Variants in DARS1 observed in about 807,000 individuals in gnomAD.
The protein encoded by DARS1 is aspartyl-tRNA synthetase 1.
DARS1 carries 51 observed loss-of-function variants against 68.8 expected under a neutral mutation model. The ratio of observed to expected loss-of-function variants is 0.74; its 90% CI spans 0.59 to 0.94. The LOEUF (loss-of-function observed/expected upper bound fraction) is 0.94. DARS1 is among the 40% of genes least tolerant of loss of function. DARS1 has a pLI of 0.00. For synonymous variants in DARS1, 203 were observed against 190.4 expected, an observed-to-expected ratio of 1.07 and a Z score of -0.55; for missense variants, 607 against 597.3, an observed-to-expected ratio of 1.02 and a Z score of -0.17.
chr2:135,953,301 A>C (rs1490981933), intron 4 of DARS1, among the ~76,000 whole-genome samples: 2 of 152,248 alleles, frequency 1.3e-5, no homozygotes, highest in Non-Finnish European at 2.9e-5. Context: ...AGATGTGTTA[A>C]GGAACAGTAT....
At chr2:135,956,677 C>T (rs145808876) in intron 4 of DARS1, among the ~76,000 whole-genome samples, 145 of 152,280 alleles carry the variant, frequency 9.5e-4, no homozygotes, top group East Asian at 6.6e-3. Context: ...TAAATCCTTG[C>T]GTTCTCTCTA....
chr2:135,971,183 A>C (rs1240126717), intron 3 of DARS1, among the ~76,000 whole-genome samples: 2 of 152,230 alleles, frequency 1.3e-5, no homozygotes, highest in Non-Finnish European at 2.9e-5. Flanking sequence ...ACTGATGCAA[A>C]AATCCTCAAC....
chr2:135,916,382 G>A lies in DARS1; in HGVS notation c.960-10C>T. The stretch of plus-strand genomic sequence containing the variant: ...AATTTCAGTCTGAAACCTATTTGCA[G>A]AATGATTTAGTTAATAAAATGTATG... On this transcript the variant is annotated splice_polypyrimidine_tract_variant and intron_variant, in intron 10 of 15. Coordinates refer to ENST00000264161, the MANE Select transcript of DARS1 (RefSeq NM_001349.4). 4 of 1,460,338 alleles carry A rather than the reference G, an allele frequency of 2.7e-6. No homozygotes were observed. Among genetic ancestry groups the A allele is most frequent in the Non-Finnish European group, 3.8e-6 (4 of 1,041,950 alleles). The allele number at this position is 1,460,338 out of a possible 1,614,324, so 90.5% of individuals were successfully genotyped here. A position where few individuals can be genotyped will look rare whatever the true frequency, so the allele number is the denominator to read the frequency against.
chr2:135,946,787 G>A (rs1434352477), intron 4 of DARS1, among the ~76,000 whole-genome samples: 1 of 152,106 alleles, frequency 6.6e-6, no homozygotes, highest in African/African-American at 2.4e-5. Context: ...TTGCTGCTGG[G>A]TCCCAGTATC....
chr2:135,920,323 T>A, intron 10 of DARS1, 130 bp downstream of exon 10: 3 of 1,358,620 alleles, frequency 2.2e-6, no homozygotes, highest in Non-Finnish European at 2.9e-6. Flanking sequence ...AAATGGATCA[T>A]CTAACTGGTA....
At chr2:135,945,419 C>T (rs1235654436) in intron 4 of DARS1, among the ~76,000 whole-genome samples, 2 of 152,168 alleles carry the variant, frequency 1.3e-5, no homozygotes, top group African/African-American at 4.8e-5. Context: ...TGAGCCATCG[C>T]GCCCGGCCCA....
chr2:135,914,346 T>C, intron 12 of DARS1, 123 bp downstream of exon 12: 1 of 690,394 alleles, frequency 1.4e-6, no homozygotes, highest in South Asian at 1.9e-5. Context: ...GTTGTCCTTC[T>C]TCGGTTTTTA....
At chr2:135,908,688 T>A (rs927312185) in intron 15 of DARS1, among the ~76,000 whole-genome samples, 6 of 152,244 alleles carry the variant, frequency 3.9e-5, no homozygotes, top group Non-Finnish European at 7.3e-5. Flanking sequence ...TTTCTTCATA[T>A]ATTTGTTGGC....
intron 12 of DARS1, among the ~76,000 whole-genome samples, chr2:135,912,889 A>T (rs1464043871): frequency 1.3e-5 from 2 of 151,620 alleles, no homozygotes; most frequent in Non-Finnish European, 2.9e-5. Context: ...GAGCCTGGCT[A>T]ATTTTTAAAA....
Position 135,906,435 on chromosome 2 carries a change from A to T in DARS1, c.*881T>A, listed in dbSNP as rs1680782021. Among the ~76,000 whole-genome samples the T allele has an allele frequency of 6.6e-6, 1 of 152,220 alleles. No individual in the cohort carries two copies. The highest frequency in any genetic ancestry group is 2.4e-5 in the African/African-American group (1 of 41,466). On this transcript the variant is annotated 3_prime_UTR_variant, in exon 16 of 16. Transcript: ENST00000264161. ...AAGTATCAGTACCATTCCAGTTAAA[A>T]ATCAAACAAAATTCTGCAATATATT...
At chr2:135,949,721 T>C (rs758462991) in intron 4 of DARS1, among the ~76,000 whole-genome samples, 11 of 152,186 alleles carry the variant, frequency 7.2e-5, no homozygotes, top group South Asian at 2.1e-4. Flanking sequence ...TTGATTAAAA[T>C]AATGTGTGAA....
At chr2:135,950,833 G>A (rs910376645) in intron 4 of DARS1, among the ~76,000 whole-genome samples, 1 of 152,166 alleles carries the variant, frequency 6.6e-6, no homozygotes, top group African/African-American at 2.4e-5. Context: ...CTAGCCTGGT[G>A]TTAGATGATG....
chr2:135,973,174 G>A (rs996722155), intron 3 of DARS1, among the ~76,000 whole-genome samples: 1 of 152,072 alleles, frequency 6.6e-6, no homozygotes, highest in Non-Finnish European at 1.5e-5. Flanking sequence ...AGCAACCTAA[G>A]TATCCATCAA....
rs755641937 is a variant in DARS1, at chr2:135,942,770, C to T, written c.423+608G>A. On this transcript the variant is annotated intron_variant, in intron 5 of 15. Transcript: ENST00000264161. ...TCACTTATATTGGTGAGTAGTTTTT[C>T]AGATGTGTTTTGTATTTTTCCCTAT... 1.1e-4 allele frequency among the ~76,000 whole-genome samples: 16 copies of T among 152,132 alleles called. 1 individual carries two copies. Among genetic ancestry groups the T allele is most frequent in the Non-Finnish European group, 2.4e-4 (16 of 68,032 alleles).
In DARS1 at chr2:135,943,391, A is replaced by C; in HGVS notation, c.410T>G (p.Leu137Ter). The change falls in exon 5 of 16, where the codon TTA becomes TGA. Residue 137 changes from leucine (L) to a stop codon, truncating the protein, a stop_gained. Transcript: ENST00000264161. LOFTEE classifies it high-confidence loss of function. Reference sequence around the variant, plus strand: ...GAAAAAACTTACCTTCTGAACATGTAACTCAACGTCTTGCTGTGTACAGCT... The same window carrying C: ...GAAAAAACTTACCTTCTGAACATGTCACTCAACGTCTTGCTGTGTACAGCT... ...IGSCTQQDVELHVQKIYVISL... is the reference protein window; with the variant it reads ...IGSCTQQDVE 1 of 1,612,352 alleles carries C rather than the reference A, an allele frequency of 6.2e-7. No homozygotes were observed. Among genetic ancestry groups the C allele is most frequent in the Non-Finnish European group, 8.5e-7 (1 of 1,179,322 alleles).
At chr2:135,913,922 A>C (rs571893536) in intron 12 of DARS1, among the ~76,000 whole-genome samples, 3 of 152,348 alleles carry the variant, frequency 2.0e-5, no homozygotes, top group Non-Finnish European at 2.9e-5. Context: ...TCAGTTCTCT[A>C]GTCTAACAGT....
chr2:135,937,331 CTTAT>C (rs1248022170), intron 5 of DARS1, among the ~76,000 whole-genome samples: 1 of 151,742 alleles, frequency 6.6e-6, no homozygotes. Flanking sequence ...TCAAGTGACA[CTTAT>C]GGTATTTTAA....
chr2:135,975,474 C>G (rs2104845944), intron 3 of DARS1, among the ~76,000 whole-genome samples: 1 of 152,118 alleles, frequency 6.6e-6, no homozygotes, highest in East Asian at 1.9e-4. Context: ...CATATACACT[C>G]ACATTGACCC....
At chr2:135,970,252 C>CAAAAAA (rs1217937806) in intron 3 of DARS1, among the ~76,000 whole-genome samples, 5 of 49,228 alleles carry the variant, frequency 1.0e-4, no homozygotes, top group Admixed American at 2.2e-4. Flanking sequence ...GACCCTGTCT[C>CAAAAAA]AAAAAAAAAA....
Sources: gnomAD v4.1 joint callset for allele counts (sites outside exome capture counted in the v4.1 genomes callset) on GRCh38, gnomAD v4.1.1 for gene constraint, MANE v1.5 for transcripts, NCBI Gene and HGNC (gene_info 2026-07-23, HGNC 2026-07-21) for gene names.